RTP2: variants seen among roughly 807,000 people sequenced by gnomAD.
RTP2 encodes receptor transporter protein 2.
Under a neutral mutation model 17.9 loss-of-function variants are expected in RTP2, and 12 were observed. That is an observed-to-expected ratio of 0.67 (90% CI 0.43 to 1.09). The LOEUF (loss-of-function observed/expected upper bound fraction) is 1.09, where lower values mean the gene tolerates loss of function less well. RTP2 is among the 50% of genes least tolerant of loss of function. The pLI is 0.00. For missense variants in RTP2, 327 were observed against 295.7 expected (o/e 1.11, Z -0.78); for synonymous variants, 126 against 117.7 (o/e 1.07, Z -0.46).
At chr3:187,711,075 C>T in the RTP2 span, among the ~76,000 whole-genome samples, 1 of 152,184 alleles carries the variant, frequency 6.6e-6, no homozygotes, top group Admixed American at 6.5e-5. Flanking sequence ...ACCCCTTCTG[C>T]TGTTTCTATG....
At chr3:187,704,838 G>T (rs139826376), upstream of RTP2, among the ~76,000 whole-genome samples, 1,054 of 152,252 alleles carry the variant, frequency 6.9e-3, 6 homozygotes, top group Non-Finnish European at 0.011. Flanking sequence ...GAATCTCAGG[G>T]GAGGCCACAC....
the RTP2 span, among the ~76,000 whole-genome samples, chr3:187,711,458 A>G: frequency 6.6e-6 from 1 of 152,290 alleles, no homozygotes; most frequent in South Asian, 2.1e-4. Flanking sequence ...AATTTTTTAA[A>G]AATATATAAA....
At chr3:187,707,294 T>A (rs1718016363), upstream of RTP2, among the ~76,000 whole-genome samples, 1 of 152,128 alleles carries the variant, frequency 6.6e-6, no homozygotes, top group Non-Finnish European at 1.5e-5. Flanking sequence ...AGACCCCACA[T>A]TTGGATAGGA....
At chr3:187,703,142 T>A (rs1717896321), upstream of RTP2, among the ~76,000 whole-genome samples, 1 of 152,238 alleles carries the variant, frequency 6.6e-6, no homozygotes, top group South Asian at 2.1e-4. Flanking sequence ...AAGACACGGT[T>A]ACCTGAAGGG....
At chr3:187,699,651 C>G (rs1038635643) in intron 1 of RTP2, among the ~76,000 whole-genome samples, 1 of 151,938 alleles carries the variant, frequency 6.6e-6, no homozygotes, top group Non-Finnish European at 1.5e-5. Flanking sequence ...TCCCCAGTCT[C>G]TTGACAAGTC....
chr3:187,715,550 G>A, the RTP2 span: 1 of 421,866 alleles, frequency 2.4e-6, no homozygotes, highest in Admixed American at 2.6e-5. Flanking sequence ...CATAGGCCTT[G>A]GGGGAGCTGT....
upstream of RTP2, among the ~76,000 whole-genome samples, chr3:187,706,639 G>A (rs888208173): frequency 5.2e-4 from 79 of 152,210 alleles, no homozygotes; most frequent in Middle Eastern, 3.4e-3. Context: ...GTCTCACTAC[G>A]TCAAGCAAGT....
chr3:187,710,086 C>T, the RTP2 span, among the ~76,000 whole-genome samples: 2 of 152,130 alleles, frequency 1.3e-5, no homozygotes, highest in South Asian at 4.1e-4. Context: ...TGGGCATCAT[C>T]CAATCCATTA....
At chr3:187,714,864 G>T in the RTP2 span, among the ~76,000 whole-genome samples, 1 of 152,104 alleles carries the variant, frequency 6.6e-6, no homozygotes, top group Non-Finnish European at 1.5e-5. Context: ...TTCTCCATGT[G>T]ACTGAAGAAT....
chr3:187,698,791 A>G (rs1717760313), exon 2 of RTP2: 1 of 1,613,750 alleles, frequency 6.2e-7, no homozygotes, highest in Non-Finnish European at 8.5e-7. Flanking sequence ...TCCTCGTAGC[A>G]CTGCTCGCGC....
At chr3:187,699,174 G>A (rs1479360526) in intron 1 of RTP2, among the ~76,000 whole-genome samples, 163 bp from the exon 2 acceptor site, 1 of 152,042 alleles carries the variant, frequency 6.6e-6, no homozygotes, top group Non-Finnish European at 1.5e-5. Context: ...GCCTGCTCTC[G>A]CCTCCTCCTG....
chr3:187,698,649 A>C lies in RTP2; in HGVS notation c.527T>G (p.Val176Gly), dbSNP rs775686497. The C allele has an allele frequency of 6.2e-7, 1 of 1,614,130 alleles. No individual in the cohort carries two copies. Among genetic ancestry groups the C allele is most frequent in the Non-Finnish European group, 8.5e-7 (1 of 1,179,994 alleles). Residue 176 changes from valine to glycine, a missense_variant, in exon 2 of 2, where the codon GTG becomes GGG. Val to Gly is a moderately radical substitution (Grantham distance 109). Transcript: ENST00000358241. ...GGAGGCTTCAGAGGTGTAGGTGGTC[A>C]CCTCCTCCTCCAGCAGCTTCTCGCT...
At chr3:187,712,004 C>T in the RTP2 span, among the ~76,000 whole-genome samples, 10 of 152,216 alleles carry the variant, frequency 6.6e-5, no homozygotes, top group African/African-American at 1.7e-4. Context: ...AACAGGATGA[C>T]GATAAAAGGG....
chr3:187,710,553 A>ATGTG, the RTP2 span, among the ~76,000 whole-genome samples: 1 of 148,636 alleles, frequency 6.7e-6, no homozygotes, highest in African/African-American at 2.6e-5. Context: ...ATATATATAT[A>ATGTG]TGTGTGTGTA....
upstream of RTP2, among the ~76,000 whole-genome samples, chr3:187,704,309 G>A (rs866989938): frequency 6.6e-6 from 1 of 152,170 alleles, no homozygotes; most frequent in African/African-American, 2.4e-5. Flanking sequence ...TTACTTATTA[G>A]AGTAATGTAA....
chr3:187,711,817 G>A, the RTP2 span, among the ~76,000 whole-genome samples: 75,640 of 152,120 alleles, frequency 0.5, 22,463 homozygotes, highest in East Asian at 0.76. Context: ...GATCAAATAA[G>A]CTTATACTTG....
chr3:187,715,632 G>T, the RTP2 span: 15 of 456,200 alleles, frequency 3.3e-5, no homozygotes, highest in Non-Finnish European at 6.2e-5. Flanking sequence ...AGTTGGATTC[G>T]ATCAGAATTC....
exon 2 of RTP2, chr3:187,698,808 G>T (rs1717761400): frequency 6.2e-7 from 1 of 1,613,334 alleles, no homozygotes; most frequent in Non-Finnish European, 8.5e-7. Flanking sequence ...GCGCAGGCTG[G>T]TGATGAGGTT....
the RTP2 span, among the ~76,000 whole-genome samples, chr3:187,711,013 T>A: frequency 6.6e-6 from 1 of 152,328 alleles, no homozygotes; most frequent in South Asian, 2.1e-4. Context: ...TTTGGATGTC[T>A]AAAGGCACCA....
Sources: allele counts gnomAD v4.1 joint callset (sites outside exome capture counted in the v4.1 genomes callset), GRCh38; gene constraint gnomAD v4.1.1; transcripts MANE v1.5; gene names NCBI Gene and HGNC (gene_info 2026-07-23, HGNC 2026-07-21).